APCDD1: variants seen among roughly 807,000 people sequenced by gnomAD.
The protein encoded by APCDD1 is APC down-regulated 1, also known as protein APCDD1.
Under a neutral mutation model 38.1 loss-of-function variants are expected in APCDD1, and 15 were observed. The observed-to-expected ratio is 0.39, with a 90% CI of 0.26 to 0.61. APCDD1 has a LOEUF of 0.61. Ranked by LOEUF, APCDD1 falls within the 20% of genes least tolerant of loss-of-function variation. APCDD1 has a pLI of 0.49. For synonymous variants in APCDD1, 261 were observed against 279.7 expected (o/e 0.93, Z 0.67); for missense variants, 647 against 696.2 (o/e 0.93, Z 0.79).
intron 3 of APCDD1, among the ~76,000 whole-genome samples, chr18:10,473,925 ATTTT>A (rs10691722): frequency 7.8e-6 from 1 of 127,816 alleles, no homozygotes. Context: ...CCTTTCTGGG[ATTTT>A]TTTTTTTTTT....
intron 3 of APCDD1, among the ~76,000 whole-genome samples, chr18:10,474,632 G>A (rs912439351): frequency 3.9e-5 from 6 of 152,098 alleles, no homozygotes; most frequent in Admixed American, 3.9e-4. Flanking sequence ...AGTACTGGGG[G>A]AAAAATTAAC....
intron 2 of APCDD1, among the ~76,000 whole-genome samples, 194 bp downstream of exon 2, chr18:10,468,846 T>G (rs1324017504): frequency 6.6e-6 from 1 of 152,260 alleles, no homozygotes; most frequent in Non-Finnish European, 1.5e-5. Flanking sequence ...GTAGAAATCT[T>G]ATGCTAAAGC....
chr18:10,455,241 T>C (rs889769250), intron 1 of APCDD1, among the ~76,000 whole-genome samples: 8 of 152,106 alleles, frequency 5.3e-5, no homozygotes, highest in African/African-American at 1.7e-4. Context: ...GGGACCGCTC[T>C]CCCCCAGGGC....
At chr18:10,477,410 T>C (rs1326257008) in intron 3 of APCDD1, 3 of 152,206 alleles carry the variant, frequency 2.0e-5, no homozygotes, top group Non-Finnish European at 4.4e-5. Flanking sequence ...TTGTGGACCT[T>C]TTATCTGGGC....
intron 3 of APCDD1, among the ~76,000 whole-genome samples, chr18:10,473,714 G>A (rs1441590359): frequency 6.6e-6 from 1 of 152,146 alleles, no homozygotes; most frequent in African/African-American, 2.4e-5. Context: ...GGGTGTCTTG[G>A]GAAAATGGGT....
At position 10,485,525 on chromosome 18, in the gene APCDD1, A is replaced by G; in HGVS notation, c.838A>G (p.Ile280Val). Residue 280 changes from isoleucine (I) to valine (V), a missense_variant, in exon 4 of 5, where the codon ATC (isoleucine) becomes GTC (valine). Coordinates refer to ENST00000355285, the MANE Select transcript of APCDD1 (RefSeq NM_153000.5). The surrounding 1 kb of genome is among the most constrained non-coding windows in gnomAD (Gnocchi z 5.8). The part of the protein sequence containing the change: ...IYRSDEHHPP[I>V]LPPKADLTIG... ...TCGGTCAGACGAGCACCACCCTCCCATCCTGCCCCCAAAGGCAGACCTGAC... is the reference window on the plus strand; with the variant it reads ...TCGGTCAGACGAGCACCACCCTCCCGTCCTGCCCCCAAAGGCAGACCTGAC... The G allele has an allele frequency of 3.1e-6, 5 of 1,614,004 alleles. No individual in the cohort carries two copies. Among genetic ancestry groups the G allele is most frequent in the Non-Finnish European group, 4.2e-6 (5 of 1,180,016 alleles).
In APCDD1 at chr18:10,471,716, C is replaced by G. The variant is rs762114266; in HGVS notation, c.429C>G (p.Ala143=). Residue 143 remains alanine (A), a synonymous_variant, in exon 3 of 5, where the codon GCC becomes GCG. Transcript: ENST00000355285. The surrounding 1 kb of genome is among the most constrained non-coding windows in gnomAD (Gnocchi z 5.5). ...GGATCATCCGAGGGGGCACGGAAGC[C>G]GACTACCAGCTGCACAACGTCCAGG... ...ASWIIRGGTE[A]DYQLHNVQVI... is the part of the protein sequence containing the mutation. 7 of 1,614,008 alleles carry G rather than the reference C, an allele frequency of 4.3e-6. No individual in the cohort carries two copies. The highest frequency in any genetic ancestry group is 3.3e-5 in the Admixed American group (2 of 60,010).
At chr18:10,474,652 G>C (rs1249298638) in intron 3 of APCDD1, among the ~76,000 whole-genome samples, 1 of 152,112 alleles carries the variant, frequency 6.6e-6, no homozygotes, top group African/African-American at 2.4e-5. Flanking sequence ...CCATCATCAC[G>C]TTTATTTTCT....
rs546915904 is a variant in APCDD1, at chr18:10,480,632, A to G, written c.775-4830A>G. The stretch of plus-strand genomic sequence containing the variant: ...TCCCAGCACTTGGGGAGGCTGAGGC[A>G]GGCAGATTGCCCTGAGCTCAGAAGT... On this transcript the variant is annotated intron_variant, in intron 3 of 4. Coordinates refer to ENST00000355285, the MANE Select transcript of APCDD1 (RefSeq NM_153000.5). Among the ~76,000 whole-genome samples, 9 of 152,194 alleles carry G rather than the reference A, an allele frequency of 5.9e-5. No individual in the cohort carries two copies. In the South Asian group the frequency reaches 1.7e-3, roughly 28 times the overall value.
Position 10,471,942 on chromosome 18 carries a change from C to T in APCDD1, c.655C>T (p.Leu219Phe). 1 of 1,614,118 alleles carries T rather than the reference C, an allele frequency of 6.2e-7. No individual in the cohort carries two copies. Among genetic ancestry groups the T allele is most frequent in the Non-Finnish European group, 8.5e-7 (1 of 1,180,044 alleles). ...LQLIRVEKQY[L>F]HHNLDHLVEE... ...GCTCATCCGGGTGGAGAAGCAGTAC[C>T]TTCACCACAACCTCGACCACCTGGT... The change falls in exon 3 of 5, where the codon CTT becomes TTT. Residue 219 changes from leucine (L) to phenylalanine (F), a missense_variant. Transcript: ENST00000355285. This position sits in a 1 kb window ranked among gnomAD's most constrained non-coding sequence, Gnocchi z 5.5.
intron 1 of APCDD1, among the ~76,000 whole-genome samples, chr18:10,465,808 C>T (rs766652687): frequency 3.3e-5 from 5 of 152,146 alleles, no homozygotes; most frequent in Non-Finnish European, 7.3e-5. Flanking sequence ...TGTAAATGTG[C>T]GTGTTTTGTC....
intron 1 of APCDD1, among the ~76,000 whole-genome samples, chr18:10,456,529 A>T (rs1029298570): frequency 1.3e-5 from 2 of 152,248 alleles, no homozygotes; most frequent in Admixed American, 6.5e-5. Context: ...TTTAAAATTT[A>T]AAAAATTACT....
At chr18:10,473,266 A>G (rs2030908599) in intron 3 of APCDD1, among the ~76,000 whole-genome samples, 1 of 152,178 alleles carries the variant, frequency 6.6e-6, no homozygotes. Context: ...TAATAATGAA[A>G]TAGCTACTGA....
At position 10,472,297 on chromosome 18, in the gene APCDD1, G is replaced by T. The variant is rs749249370; in HGVS notation, c.774+236G>T. The stretch of plus-strand genomic sequence containing the variant: ...AACTTGCTCTGTGACTTGGAACCTC[G>T]GTTATCCTACTGAAGTGGGTGGTGG... On this transcript the variant is annotated intron_variant, in intron 3 of 4. Transcript: ENST00000355285. The surrounding 1 kb of genome is among the most constrained non-coding windows in gnomAD (Gnocchi z 6.6). 6.6e-6 allele frequency among the ~76,000 whole-genome samples: 1 copy of T among 152,124 alleles called. No individual in the cohort carries two copies.
rs2031279861 is a variant in APCDD1, at chr18:10,487,735, C to A, written c.1242C>A (p.Gly414=). Residue 414 remains glycine, a synonymous_variant, in exon 5 of 5, where the codon GGC becomes GGA. Transcript: ENST00000355285. ...VTHTNGCVAL[G]IKLPHTEYEI... ...ACACCAATGGCTGCGTGGCCCTGGGCATCAAACTACCTCACACGGAGTACG... is the reference window on the plus strand; with the variant it reads ...ACACCAATGGCTGCGTGGCCCTGGGAATCAAACTACCTCACACGGAGTACG... 1 of 1,614,018 alleles carries A rather than the reference C, an allele frequency of 6.2e-7. No individual in the cohort carries two copies. The highest frequency in any genetic ancestry group is 8.5e-7 in the Non-Finnish European group (1 of 1,180,046).
At chr18:10,468,128 C>T (rs181408680) in intron 1 of APCDD1, among the ~76,000 whole-genome samples, 14 of 152,316 alleles carry the variant, frequency 9.2e-5, no homozygotes, top group African/African-American at 2.9e-4. Context: ...TTCCCTTGGC[C>T]GCCTTGCACA....
In APCDD1 at chr18:10,471,664, G is replaced by T. The variant is rs780321900; in HGVS notation, c.377G>T (p.Gly126Val). ...TNPTYTLIIR[G>V]KIRLRQASWI... ...CCCACTTATACTCTCATCATCCGGGGCAAGATCCGCCTCCGCCAGGCCTCC... is the reference window on the plus strand; with the variant it reads ...CCCACTTATACTCTCATCATCCGGGTCAAGATCCGCCTCCGCCAGGCCTCC... Residue 126 changes from glycine to valine, a missense_variant, in exon 3 of 5, where the codon GGC becomes GTC. Physicochemically the swap from Gly to Val is moderately radical, Grantham distance 109. Transcript: ENST00000355285. The surrounding 1 kb of genome is among the most constrained non-coding windows in gnomAD (Gnocchi z 5.5). 1 of 1,614,110 alleles carries T rather than the reference G, an allele frequency of 6.2e-7. No homozygotes were observed. The highest frequency in any genetic ancestry group is 8.5e-7 in the Non-Finnish European group (1 of 1,180,040).
rs2031324521 is a variant in APCDD1, at chr18:10,489,522, A to C, written c.*1484A>C. 1 of 152,278 alleles carries C rather than the reference A, an allele frequency of 6.6e-6. No homozygotes were observed. Among genetic ancestry groups the C allele is most frequent in the African/African-American group, 2.4e-5 (1 of 41,440 alleles). 9.4% of individuals were successfully genotyped at this position (152,278 alleles called of 1,614,324 possible). Reference sequence around the variant, plus strand: ...AGACCATCCTGGCTAACACTGTGAAATGCTGTCTCTACTAAAAATACAAAA... The same window carrying C: ...AGACCATCCTGGCTAACACTGTGAACTGCTGTCTCTACTAAAAATACAAAA... On this transcript the variant is annotated 3_prime_UTR_variant, in exon 5 of 5. Transcript: ENST00000355285.
chr18:10,487,481 T>C, intron 4 of APCDD1, 109 bp from the exon 5 acceptor site: 1 of 1,136,820 alleles, frequency 8.8e-7, no homozygotes, highest in East Asian at 2.5e-5. Flanking sequence ...GGATTGTTTT[T>C]GGAAAAGAAA....
Sources: allele counts gnomAD v4.1 joint callset (sites outside exome capture counted in the v4.1 genomes callset), GRCh38; gene constraint gnomAD v4.1.1; non-coding constraint Gnocchi (gnomAD v3.1); transcripts MANE v1.5; gene names NCBI Gene and HGNC (gene_info 2026-07-23, HGNC 2026-07-21).